GRIP2: variants seen among roughly 807,000 people sequenced by gnomAD.
The protein encoded by GRIP2 is glutamate receptor-interacting protein 2.
GRIP2 carries 58 observed loss-of-function variants against 108.3 expected under a neutral mutation model. That is an observed-to-expected ratio of 0.54 (90% confidence interval 0.43 to 0.67). GRIP2 has a LOEUF of 0.67. Among genes scored for constraint, GRIP2 ranks in the 30% least tolerant of loss-of-function variants. The probability of loss-of-function intolerance (pLI) is 0.00; values close to 1 mark genes in which losing one functional copy is unlikely to be tolerated. For missense variants in GRIP2, 1,278 were observed against 1,430.6 expected (o/e 0.89, Z 1.72); for synonymous variants, 586 against 598.2 (o/e 0.98, Z 0.30).
In GRIP2 at chr3:14,512,267, C is replaced by T. The variant is rs562936563; in HGVS notation, c.1720+510G>A. On this transcript the variant is annotated intron_variant, in intron 14 of 23. Transcript: ENST00000621039. This position sits in a 1 kb window ranked among gnomAD's most constrained non-coding sequence, Gnocchi z 5.1. ...TCATGGGGTCCAGAGCACAGAGGGC[C>T]TCACTGGGGCCCGAGGCCCTCAGCT... Among the ~76,000 whole-genome samples, 8 of 152,280 alleles carry T rather than the reference C, an allele frequency of 5.3e-5. No individual in the cohort carries two copies. Among genetic ancestry groups the T allele is most frequent in the African/African-American group, 1.2e-4 (5 of 41,568 alleles).
At chr3:14,598,197 C>T in the GRIP2 span, among the ~76,000 whole-genome samples, 1 of 151,882 alleles carries the variant, frequency 6.6e-6, no homozygotes, top group Non-Finnish European at 1.5e-5. Flanking sequence ...TTGGCATGAC[C>T]TCGTGGACCA....
At chr3:14,496,198 C>T (rs1482309811) in intron 22 of GRIP2, among the ~76,000 whole-genome samples, 3 of 151,838 alleles carry the variant, frequency 2.0e-5, no homozygotes, top group African/African-American at 4.8e-5. Context: ...AAAAGCACAT[C>T]TACTTAAAGA....
upstream of GRIP2, chr3:14,542,161 T>TA: frequency 2.0e-6 from 2 of 1,002,890 alleles, no homozygotes; most frequent in South Asian, 3.2e-5. Context: ...TTATTTTTTT[T>TA]ATTTTTTTTT....
At chr3:14,590,276 C>T in the GRIP2 span, among the ~76,000 whole-genome samples, 36,828 of 152,010 alleles carry the variant, frequency 0.24, 4,563 homozygotes, top group East Asian at 0.35. Flanking sequence ...GGCTCCTGGA[C>T]GCTTACTTTT....
chr3:14,554,540 C>G (rs914555710), intron 1 of GRIP2, among the ~76,000 whole-genome samples: 1 of 152,072 alleles, frequency 6.6e-6, no homozygotes, highest in African/African-American at 2.4e-5. Flanking sequence ...TCTCCAGGCA[C>G]CAGCTGCTCT....
At chr3:14,550,836 T>C (rs1695135541) in intron 1 of GRIP2, among the ~76,000 whole-genome samples, 1 of 152,198 alleles carries the variant, frequency 6.6e-6, no homozygotes, top group Non-Finnish European at 1.5e-5. Context: ...AGCAAGGATC[T>C]TGCCCAAGGT....
chr3:14,502,290 C>T (rs954463018), intron 21 of GRIP2, among the ~76,000 whole-genome samples: 4 of 152,036 alleles, frequency 2.6e-5, no homozygotes, highest in Admixed American at 6.6e-5. Context: ...GCCAGAAGTT[C>T]GAGACCAGTC....
intron 11 of GRIP2, among the ~76,000 whole-genome samples, chr3:14,515,982 T>C (rs1325603240): frequency 6.6e-6 from 1 of 152,148 alleles, no homozygotes; most frequent in African/African-American, 2.4e-5. Context: ...TTCAGTACTA[T>C]GCCCCATAAT....
In GRIP2 at chr3:14,492,697, A is replaced by AT. The variant is rs1487690074; in HGVS notation, c.*967dup. 6.6e-6 allele frequency: 1 copy of AT among 152,140 alleles called. No individual in the cohort carries two copies. The highest frequency in any genetic ancestry group is 1.5e-5 in the Non-Finnish European group (1 of 68,080). 9.4% of individuals were successfully genotyped at this position (152,140 alleles called of 1,614,324 possible). ...CAGGTCCTGCGTCCATCGCTTTTCAATTTTCACTGGATGGCAGGTGAATGG... is the reference window on the plus strand; with the variant it reads ...CAGGTCCTGCGTCCATCGCTTTTCAATTTTTCACTGGATGGCAGGTGAATGG... On this transcript the variant is annotated 3_prime_UTR_variant, in exon 24 of 24. Transcript: ENST00000621039.
intron 1 of GRIP2, among the ~76,000 whole-genome samples, chr3:14,549,081 A>G (rs116654530): frequency 2.1e-3 from 323 of 152,276 alleles, no homozygotes; most frequent in African/African-American, 7.6e-3. Flanking sequence ...TTGCTCACTG[A>G]TTTCAACCCC....
Position 14,521,555 on chromosome 3 carries a change from C to T in GRIP2, c.712+87G>A. ...AGGTCATAAGGTCATGCAGCCTTTG[C>T]AGTGGTAAAGATCCATGGCCACTGC... On this transcript the variant is annotated intron_variant, in intron 7 of 23. Transcript: ENST00000621039. The surrounding 1 kb of genome is among the most constrained non-coding windows in gnomAD (Gnocchi z 5.1). 7.2e-7 allele frequency: 1 copy of T among 1,390,138 alleles called. No individual in the cohort carries two copies. The highest frequency in any genetic ancestry group is 9.7e-7 in the Non-Finnish European group (1 of 1,030,486). 86.1% of individuals were successfully genotyped at this position (1,390,138 alleles called of 1,614,324 possible). A position where few individuals can be genotyped will look rare whatever the true frequency, so the allele number is the denominator to read the frequency against.
chr3:14,594,882 C>A, the GRIP2 span, among the ~76,000 whole-genome samples: 1 of 150,520 alleles, frequency 6.6e-6, no homozygotes, highest in Non-Finnish European at 1.5e-5. Context: ...ATGGAGTAAA[C>A]CATTAATAAT....
chr3:14,593,447 G>A, the GRIP2 span, among the ~76,000 whole-genome samples: 2 of 152,178 alleles, frequency 1.3e-5, no homozygotes, highest in African/African-American at 4.8e-5. Context: ...ACCATTTGCT[G>A]TGTGCATCAC....
the GRIP2 span, among the ~76,000 whole-genome samples, chr3:14,594,660 T>C: frequency 6.6e-6 from 1 of 152,172 alleles, no homozygotes; most frequent in African/African-American, 2.4e-5. Context: ...ATGGAAACCT[T>C]AGCCCTCATT....
chr3:14,501,854 A>G (rs113268639), intron 21 of GRIP2, among the ~76,000 whole-genome samples: 2 of 152,248 alleles, frequency 1.3e-5, no homozygotes, highest in African/African-American at 4.8e-5. Flanking sequence ...AGTAAAACAA[A>G]TGAATTAAAG....
chr3:14,517,834 G>A lies in GRIP2; in HGVS notation c.1094C>T (p.Pro365Leu). 1.9e-6 allele frequency: 3 copies of A among 1,605,242 alleles called. No individual in the cohort carries two copies. The highest frequency in any genetic ancestry group is 2.2e-5 in the East Asian group (1 of 44,536). Reference sequence around the variant, plus strand: ...GGGCATCCTGCAGTGGCCGGGCCGGGGGCTGTGGCAGGAGGGCACGCAGGG... The same window carrying A: ...GGGCATCCTGCAGTGGCCGGGCCGGAGGCTGTGGCAGGAGGGCACGCAGGG... The part of the protein sequence containing the change: ...WDPCVPSCHS[P>L]RPGHCRMPTW... Residue 365 changes from proline (P) to leucine (L), a missense_variant, in exon 10 of 24, where the codon CCC (proline) becomes CTC (leucine). Physicochemically the swap from Pro to Leu is moderately conservative, Grantham distance 98. Transcript: ENST00000621039.
intron 21 of GRIP2, among the ~76,000 whole-genome samples, chr3:14,502,497 A>T (rs1693793569): frequency 6.6e-6 from 1 of 152,050 alleles, no homozygotes; most frequent in African/African-American, 2.4e-5. Flanking sequence ...CTGTCTCAAA[A>T]AAAAAAAGAG....
At chr3:14,540,411 G>A, upstream of GRIP2, 1 of 1,603,926 alleles carries the variant, frequency 6.2e-7, no homozygotes, top group African/African-American at 1.3e-5. The surrounding 1 kb of genome is among the most constrained non-coding windows in gnomAD (Gnocchi z 4.1). Context: ...GAAGCTCACA[G>A]CTCCCACTGG....
Position 14,489,988 on chromosome 3 carries a change from C to G in GRIP2, c.*3677G>C, listed in dbSNP as rs970829062. 6.6e-6 allele frequency: 1 copy of G among 152,244 alleles called. No homozygotes were observed. The highest frequency in any genetic ancestry group is 2.4e-5 in the African/African-American group (1 of 41,450). 9.4% of individuals were successfully genotyped at this position (152,244 alleles called of 1,614,324 possible). ...CCCCCCACCCTTTGGGATGGACAAA[C>G]TCGGGAGTCAGTTGAGCCCTTTGCC... is the stretch of plus-strand genomic sequence containing the variant. On this transcript the variant is annotated 3_prime_UTR_variant, in exon 24 of 24. Transcript: ENST00000621039.
Sources: gnomAD v4.1 joint callset for allele counts (sites outside exome capture counted in the v4.1 genomes callset) on GRCh38, gnomAD v4.1.1 for gene constraint, Gnocchi (gnomAD v3.1) non-coding constraint, MANE v1.5 for transcripts, NCBI Gene and HGNC (gene_info 2026-07-23, HGNC 2026-07-21) for gene names.